The following ELAVL2 variants were observed in gnomAD, a reference collection of about 807,000 sequenced individuals.
ELAVL2 encodes ELAV like RNA binding protein 2.
ELAVL2 carries 4 observed loss-of-function variants against 34.6 expected under a neutral mutation model. The ratio of observed to expected loss-of-function variants is 0.12; its 90% CI spans 0.06 to 0.26. The LOEUF (loss-of-function observed/expected upper bound fraction) is 0.26. Among genes scored for constraint, ELAVL2 ranks in the 10% least tolerant of loss-of-function variants. The pLI is 1.00. For synonymous variants in ELAVL2, 193 were observed against 154.8 expected (o/e 1.25, Z -1.83); for missense variants, 432 against 442.8 (o/e 0.98, Z 0.22).
intron 1 of ELAVL2, among the ~76,000 whole-genome samples, chr9:23,792,523 C>T (rs960153514): frequency 1.3e-4 from 20 of 152,274 alleles, no homozygotes; most frequent in Middle Eastern, 3.4e-3. Flanking sequence ...AAATCTGTCT[C>T]CTCCTCCAAC....
chr9:23,833,440 T>C, the ELAVL2 span, among the ~76,000 whole-genome samples: 1 of 151,828 alleles, frequency 6.6e-6, no homozygotes, highest in Admixed American at 6.6e-5. Context: ...GATAAGACTT[T>C]TTTAAGATGT....
chr9:23,820,314 T>A (rs933582636), intron 1 of ELAVL2, among the ~76,000 whole-genome samples: 1 of 152,192 alleles, frequency 6.6e-6, no homozygotes, highest in Non-Finnish European at 1.5e-5. Flanking sequence ...TTATTAGGAA[T>A]AGGGCCACTA....
chr9:23,804,337 G>A (rs1404588659), intron 1 of ELAVL2, among the ~76,000 whole-genome samples: 2 of 151,998 alleles, frequency 1.3e-5, no homozygotes, highest in Non-Finnish European at 2.9e-5. Flanking sequence ...ACAATTTCAT[G>A]AACACTTTGA....
At chr9:23,708,386 A>G (rs1401996775) in intron 3 of ELAVL2, among the ~76,000 whole-genome samples, 2 of 152,208 alleles carry the variant, frequency 1.3e-5, no homozygotes, top group African/African-American at 2.4e-5. Flanking sequence ...AAACAGGCAC[A>G]GACAAGGTAA....
intron 2 of ELAVL2, among the ~76,000 whole-genome samples, chr9:23,745,051 T>TA (rs2135360605): frequency 6.6e-6 from 1 of 151,852 alleles, no homozygotes; most frequent in East Asian, 1.9e-4. Context: ...ACAAAATATA[T>TA]AAATTAGCTG....
chr9:23,729,062 G>A (rs1357336667), intron 3 of ELAVL2, among the ~76,000 whole-genome samples: 2 of 152,166 alleles, frequency 1.3e-5, no homozygotes, highest in African/African-American at 4.8e-5. Context: ...ATGATGAACA[G>A]TAAGGAAGCA....
At chr9:23,761,706 G>C (rs2055049573) in intron 2 of ELAVL2, among the ~76,000 whole-genome samples, 2 of 151,964 alleles carry the variant, frequency 1.3e-5, no homozygotes, top group Non-Finnish European at 2.9e-5. Flanking sequence ...GGTACTAAAA[G>C]ATAAAAGTTA....
intron 1 of ELAVL2, among the ~76,000 whole-genome samples, chr9:23,783,829 T>C (rs1367321982): frequency 6.6e-6 from 1 of 152,000 alleles, no homozygotes; most frequent in Non-Finnish European, 1.5e-5. Flanking sequence ...AGAAAAGCCA[T>C]GTGCACTAGG....
chr9:23,811,331 GAAA>G (rs3838731), intron 1 of ELAVL2, among the ~76,000 whole-genome samples: 1 of 138,352 alleles, frequency 7.2e-6, no homozygotes, highest in African/African-American at 2.6e-5. Context: ...ACCTTTCAAG[GAAA>G]AAAAAAAAAA....
At chr9:23,821,676 T>C (rs905121397) in intron 1 of ELAVL2, 2 of 152,420 alleles carry the variant, frequency 1.3e-5, no homozygotes, top group African/African-American at 4.8e-5. Flanking sequence ...GAGGAGTCGC[T>C]CGGGGCGAGC....
At chr9:23,740,521 A>G (rs771160494) in intron 2 of ELAVL2, among the ~76,000 whole-genome samples, 2 of 152,222 alleles carry the variant, frequency 1.3e-5, no homozygotes, top group Non-Finnish European at 2.9e-5. Flanking sequence ...TCCAAAGTTT[A>G]CAACTTTCCA....
At chr9:23,732,578 T>C (rs985559633) in intron 2 of ELAVL2, among the ~76,000 whole-genome samples, 1 of 152,226 alleles carries the variant, frequency 6.6e-6, no homozygotes, top group African/African-American at 2.4e-5. Context: ...TCAAAATTTA[T>C]CATGTGTTTA....
intron 3 of ELAVL2, among the ~76,000 whole-genome samples, chr9:23,729,112 TCCTGTGGAGACCTATTTCC>T (rs1487364876): frequency 1.3e-5 from 2 of 152,206 alleles, no homozygotes; most frequent in Admixed American, 6.5e-5. Context: ...CGGGCATTTC[TCCTGTGGAGACCTATTTCC>T]CCTGCATTTC....
At chr9:23,773,761 A>T (rs1184032853) in intron 1 of ELAVL2, among the ~76,000 whole-genome samples, 2 of 152,046 alleles carry the variant, frequency 1.3e-5, no homozygotes, top group African/African-American at 4.8e-5. Context: ...AAGAGCAGGT[A>T]AAGGGGTCTG....
intron 1 of ELAVL2, among the ~76,000 whole-genome samples, chr9:23,794,557 T>C (rs1296391767): frequency 1.3e-5 from 2 of 152,208 alleles, no homozygotes; most frequent in Non-Finnish European, 2.9e-5. Context: ...CTGAATAAGA[T>C]ACATTCAGTT....
chr9:23,756,852 G>A (rs1483156149), intron 2 of ELAVL2, among the ~76,000 whole-genome samples: 4 of 152,040 alleles, frequency 2.6e-5, no homozygotes, highest in African/African-American at 2.4e-5. Flanking sequence ...CCTAGCTAAC[G>A]AGTACCTTCC....
At chr9:23,705,100 T>C (rs1418313158) in intron 3 of ELAVL2, 29 bp from the exon 4 acceptor site, 1 of 1,612,728 alleles carries the variant, frequency 6.2e-7, no homozygotes, top group Non-Finnish European at 8.5e-7. Context: ...ATTAAATGTA[T>C]ATGCATGCTC....
chr9:23,701,651 G>C (rs747513350), intron 4 of ELAVL2, 47 bp from the exon 5 acceptor site: 1 of 1,583,000 alleles, frequency 6.3e-7, no homozygotes, highest in South Asian at 1.1e-5. Context: ...AACAGAAGGA[G>C]AAGGGAAGGA....
intron 2 of ELAVL2, among the ~76,000 whole-genome samples, chr9:23,738,251 A>C (rs760644052): frequency 3.3e-5 from 5 of 152,238 alleles, no homozygotes; most frequent in African/African-American, 7.2e-5. Context: ...GGTTTGAGAG[A>C]ATCTCAGAAC....
Sources: allele counts gnomAD v4.1 joint callset (sites outside exome capture counted in the v4.1 genomes callset), GRCh38; gene constraint gnomAD v4.1.1; transcripts MANE v1.5; gene names NCBI Gene and HGNC (gene_info 2026-07-23, HGNC 2026-07-21).